The following XYLB variants were observed in gnomAD, a reference collection of about 807,000 sequenced individuals.
XYLB encodes the protein xylulokinase, also known as xylulose kinase.
XYLB carries 62 observed loss-of-function variants against 78.7 expected under a neutral mutation model. That is an observed-to-expected ratio of 0.79 (90% CI 0.64 to 0.97). The LOEUF (loss-of-function observed/expected upper bound fraction) is 0.97. Ranked by LOEUF, XYLB falls within the 50% of genes least tolerant of loss-of-function variation. The probability of loss-of-function intolerance (pLI) is 0.00; values close to 1 mark genes in which losing one functional copy is unlikely to be tolerated. For synonymous variants in XYLB, 245 were observed against 247.4 expected (o/e 0.99, Z 0.09); for missense variants, 687 against 676.8 (o/e 1.02, Z -0.17).
chr3:38,389,905 T>C (rs1034419810), intron 15 of XYLB, among the ~76,000 whole-genome samples: 1 of 152,204 alleles, frequency 6.6e-6, no homozygotes, highest in Non-Finnish European at 1.5e-5. Flanking sequence ...CCAAATGTAG[T>C]TGTTTTTCTT....
rs550186161 is a variant in XYLB, at chr3:38,354,405, CTG to C, written c.140+5775_140+5776del. Among the ~76,000 whole-genome samples the C allele has an allele frequency of 2.6e-3, 398 of 151,570 alleles. 5 individuals are homozygous for C. The highest frequency in any genetic ancestry group is 9.4e-3 in the African/African-American group (388 of 41,332). On this transcript the variant is annotated intron_variant, in intron 2 of 18. Transcript: ENST00000207870. ...TAATATCTAGAATTGTTGGTCCCCT[CTG>C]TTTGTTTTTTTTTCCAGAGTTTCCA...
At chr3:38,381,779 C>T (rs1284332752) in intron 15 of XYLB, among the ~76,000 whole-genome samples, 1 of 152,206 alleles carries the variant, frequency 6.6e-6, no homozygotes, top group Non-Finnish European at 1.5e-5. Flanking sequence ...GATCCCAAAA[C>T]CCTGTCTCCT....
At chr3:38,374,230 G>A (rs1318332241) in intron 10 of XYLB, among the ~76,000 whole-genome samples, 1 of 152,076 alleles carries the variant, frequency 6.6e-6, no homozygotes, top group Non-Finnish European at 1.5e-5. Context: ...TCAGGGAAGA[G>A]ACTTCACAGC....
Position 38,355,645 on chromosome 3 carries a change from G to T in XYLB, c.141-4694G>T. On this transcript the variant is annotated intron_variant, in intron 2 of 18. Transcript: ENST00000207870. ...CCATGTGACTGAGTTCTAGCCAGTGGAATATAAGAAAATGTGATCAGGCCT... is the reference window on the plus strand; with the variant it reads ...CCATGTGACTGAGTTCTAGCCAGTGTAATATAAGAAAATGTGATCAGGCCT... 5 of 690,036 alleles carry T rather than the reference G, an allele frequency of 7.2e-6. No homozygotes were observed. In the South Asian group the frequency reaches 7.7e-5, roughly 11 times the overall value. 42.7% of individuals were successfully genotyped at this position (690,036 alleles called of 1,614,324 possible). A position where few individuals can be genotyped will look rare whatever the true frequency, so the allele number is the denominator to read the frequency against.
rs967049739 is a variant in XYLB, at chr3:38,376,329, C to T, written c.1120+97C>T. ...CCCATGAGCTGGGGGAGAGGAGGGC[C>T]GTGGAGAAGTCCAGGGGAGTCCTGT... is the stretch of plus-strand genomic sequence containing the variant. On this transcript the variant is annotated intron_variant, in intron 13 of 18. Coordinates refer to ENST00000207870, the MANE Select transcript of XYLB (RefSeq NM_005108.4). The T allele has an allele frequency of 1.1e-5, 9 of 798,272 alleles. No homozygotes were observed. The African/African-American group carries it at 1.2e-4, about 11-fold the overall frequency. 49.4% of individuals were successfully genotyped at this position (798,272 alleles called of 1,614,324 possible). A position where few individuals can be genotyped will look rare whatever the true frequency, so the allele number is the denominator to read the frequency against.
At chr3:38,415,270 T>TATAA (rs1188250094), downstream of XYLB, among the ~76,000 whole-genome samples, 9 of 152,190 alleles carry the variant, frequency 5.9e-5, no homozygotes, top group African/African-American at 1.9e-4. Context: ...ATCAAGGATA[T>TATAA]AGGAAGAAGT....
At chr3:38,365,904 T>A (rs938370598) in intron 6 of XYLB, among the ~76,000 whole-genome samples, 168 bp downstream of exon 6, 3 of 152,074 alleles carry the variant, frequency 2.0e-5, no homozygotes, top group African/African-American at 7.2e-5. Flanking sequence ...CTGCCCTGTG[T>A]GTTCCCAGGC....
At chr3:38,435,822 A>G in the XYLB span, among the ~76,000 whole-genome samples, 1 of 152,246 alleles carries the variant, frequency 6.6e-6, no homozygotes, top group African/African-American at 2.4e-5. Flanking sequence ...TATGGAAATT[A>G]AACAACATGC....
At chr3:38,391,492 A>G (rs1368382139) in intron 15 of XYLB, among the ~76,000 whole-genome samples, 1 of 152,238 alleles carries the variant, frequency 6.6e-6, no homozygotes, top group Non-Finnish European at 1.5e-5. Flanking sequence ...CTTTAGATCA[A>G]CGTCATGTTT....
At chr3:38,364,979 C>T (rs1318380587) in intron 4 of XYLB, among the ~76,000 whole-genome samples, 1 of 152,158 alleles carries the variant, frequency 6.6e-6, no homozygotes, top group Non-Finnish European at 1.5e-5. Context: ...AGTTCTTGGA[C>T]CTTTTCTATA....
At chr3:38,402,011 T>A (rs1406294233) in intron 18 of XYLB, among the ~76,000 whole-genome samples, 1 of 152,044 alleles carries the variant, frequency 6.6e-6, no homozygotes. Flanking sequence ...CAAAGGGCTT[T>A]ATTATGATGA....
the XYLB span, among the ~76,000 whole-genome samples, chr3:38,445,777 T>C: frequency 6.6e-6 from 1 of 152,182 alleles, no homozygotes; most frequent in Non-Finnish European, 1.5e-5. Context: ...GACACCCATG[T>C]CTTTAGTCCG....
intron 15 of XYLB, among the ~76,000 whole-genome samples, chr3:38,388,148 G>T (rs2125630550): frequency 6.8e-6 from 1 of 146,038 alleles, no homozygotes; most frequent in Non-Finnish European, 1.5e-5. Flanking sequence ...GGAAGTGCGG[G>T]TGAGGTGGTG....
At chr3:38,442,022 CG>C in the XYLB span, among the ~76,000 whole-genome samples, 1 of 152,198 alleles carries the variant, frequency 6.6e-6, no homozygotes, top group Admixed American at 6.5e-5. Flanking sequence ...TCTGGGTCTC[CG>C]TGATTAGAGT....
intron 18 of XYLB, among the ~76,000 whole-genome samples, chr3:38,408,298 G>A (rs1227206825): frequency 4.6e-5 from 7 of 151,936 alleles, no homozygotes; most frequent in East Asian, 1.9e-4. Flanking sequence ...GGTACATAAC[G>A]AAATGAAGGC....
chr3:38,438,010 C>T, the XYLB span, among the ~76,000 whole-genome samples: 3 of 151,826 alleles, frequency 2.0e-5, no homozygotes, highest in Non-Finnish European at 4.4e-5. Context: ...GCAGAGGTTG[C>T]AGTGAGCCGA....
At chr3:38,391,049 G>C (rs1249972557) in intron 15 of XYLB, among the ~76,000 whole-genome samples, 1 of 151,996 alleles carries the variant, frequency 6.6e-6, no homozygotes, top group Non-Finnish European at 1.5e-5. Context: ...GTGAAACCCC[G>C]TCTCTACTGA....
chr3:38,389,622 T>C (rs912195885), intron 15 of XYLB, among the ~76,000 whole-genome samples: 3 of 151,694 alleles, frequency 2.0e-5, no homozygotes, highest in Non-Finnish European at 1.5e-5. Context: ...GCCGGGTTTT[T>C]TTTTGTTTAA....
the XYLB span, among the ~76,000 whole-genome samples, chr3:38,440,770 A>T: frequency 6.6e-6 from 1 of 152,168 alleles, no homozygotes; most frequent in African/African-American, 2.4e-5. Context: ...TTTTAAAGGA[A>T]TAGGGTACAC....
Sources: gnomAD v4.1 joint callset for allele counts (sites outside exome capture counted in the v4.1 genomes callset) on GRCh38, gnomAD v4.1.1 for gene constraint, MANE v1.5 for transcripts, NCBI Gene and HGNC (gene_info 2026-07-23, HGNC 2026-07-21) for gene names.